The following TNS3 variants were observed in gnomAD, a reference collection of about 807,000 sequenced individuals.
TNS3 encodes tensin 3, also known as tensin-3.
In TNS3, 45 loss-of-function variants were observed where a neutral mutation model predicts 140.9. The ratio of observed to expected loss-of-function variants is 0.32; its 90% CI spans 0.25 to 0.41. The LOEUF is 0.41. Ranked by LOEUF, TNS3 falls within the 10% of genes least tolerant of loss-of-function variation. TNS3 has a pLI of 1.00. For synonymous variants in TNS3, 815 were observed against 788.4 expected (o/e 1.03, Z -0.56); for missense variants, 1,716 against 1,906.7 (o/e 0.90, Z 1.86).
chr7:47,330,068 A>G (rs1028783541), intron 20 of TNS3, among the ~76,000 whole-genome samples: 4 of 152,212 alleles, frequency 2.6e-5, no homozygotes, highest in South Asian at 2.1e-4. Context: ...TCCAGGTGGC[A>G]GCAAGTCCAC....
chr7:47,369,463 G>A lies in TNS3; in HGVS notation c.1183C>T (p.His395Tyr). ...TCCGTCCTGGCAGAGGCTGTAGAGT[G>A]GCCGGAGTCACTGCTGACAGACAAG... The part of the protein sequence containing the change: ...HTLSVSSDSG[H>Y]STASARTDKT... Residue 395 changes from histidine (H) to tyrosine (Y), a missense_variant, in exon 17 of 31, where the codon CAC becomes TAC. His to Tyr is a moderately conservative substitution (Grantham distance 83). This residue lies in a region of TNS3 where 1,163 missense variants were observed against 1,182.1 expected (regional missense o/e 0.98). Coordinates refer to ENST00000311160, the MANE Select transcript of TNS3 (RefSeq NM_022748.12). The A allele has an allele frequency of 6.2e-7, 1 of 1,614,180 alleles. No homozygotes were observed. The highest frequency in any genetic ancestry group is 8.5e-7 in the Non-Finnish European group (1 of 1,180,034).
At chr7:47,556,739 G>C (rs2151991710) in intron 1 of TNS3, among the ~76,000 whole-genome samples, 1 of 152,318 alleles carries the variant, frequency 6.6e-6, no homozygotes, top group South Asian at 2.1e-4. Context: ...GATCTTCAGG[G>C]GCTGCAAAGT....
intron 17 of TNS3, among the ~76,000 whole-genome samples, chr7:47,362,898 CACCACCATCAACATCACCATT>C (rs1460152695): frequency 6.8e-6 from 1 of 147,462 alleles, no homozygotes; most frequent in East Asian, 2.0e-4. Flanking sequence ...CCATCACCAT[CACCACCATCAACATCACCATT>C]ACCACCATTA....
At position 47,508,701 on chromosome 7, in the gene TNS3, T is replaced by C. The variant is rs543172066; in HGVS notation, c.-152-1757A>G. ...CCCTCCCACAGTGAATCAGCTGGGCTGTGTGACAGTGCAACCTGGCAGAGG... is the reference window on the plus strand; with the variant it reads ...CCCTCCCACAGTGAATCAGCTGGGCCGTGTGACAGTGCAACCTGGCAGAGG... On this transcript the variant is annotated intron_variant, in intron 2 of 30. Coordinates refer to ENST00000311160, the MANE Select transcript of TNS3 (RefSeq NM_022748.12). 1.6e-3 allele frequency among the ~76,000 whole-genome samples: 244 copies of C among 152,336 alleles called. 1 individual carries two copies. The highest frequency in any genetic ancestry group is 3.7e-4 in the Non-Finnish European group (25 of 68,030).
chr7:47,369,642 G>C (rs1318706673), intron 16 of TNS3, 21 bp from the exon 17 acceptor site: 36 of 1,532,260 alleles, frequency 2.3e-5, no homozygotes, highest in Non-Finnish European at 2.9e-5. Context: ...GAAAACCGGA[G>C]AGAGGCTTTC....
At chr7:47,373,337 A>T (rs1346278140) in intron 16 of TNS3, among the ~76,000 whole-genome samples, 1 of 152,238 alleles carries the variant, frequency 6.6e-6, no homozygotes, top group Middle Eastern at 3.2e-3. Flanking sequence ...GAAAGATACA[A>T]AGATGCCATC....
chr7:47,325,988 C>A (rs1052780080), intron 20 of TNS3, among the ~76,000 whole-genome samples: 6 of 152,182 alleles, frequency 3.9e-5, no homozygotes, highest in African/African-American at 1.4e-4. Context: ...TATCAGATCC[C>A]AGCTCCAACC....
At chr7:47,326,948 T>C (rs533452913) in intron 20 of TNS3, among the ~76,000 whole-genome samples, 1 of 152,124 alleles carries the variant, frequency 6.6e-6, no homozygotes, top group Non-Finnish European at 1.5e-5. Flanking sequence ...AGCTCTGGGT[T>C]TTCCCCTCGC....
intron 17 of TNS3, among the ~76,000 whole-genome samples, chr7:47,362,988 C>T (rs369214655): frequency 0.099 from 29 of 292 alleles, no homozygotes; most frequent in Middle Eastern, 0.25. Flanking sequence ...ATCACCATCA[C>T]CAACATCATC....
At chr7:47,454,544 T>C (rs928120253) in intron 4 of TNS3, among the ~76,000 whole-genome samples, 1 of 151,994 alleles carries the variant, frequency 6.6e-6, no homozygotes. Flanking sequence ...GAGGGTTGCA[T>C]GTGTTGTTTC....
intron 1 of TNS3, among the ~76,000 whole-genome samples, chr7:47,571,391 G>T (rs930537814): frequency 6.6e-6 from 1 of 152,202 alleles, no homozygotes; most frequent in Non-Finnish European, 1.5e-5. Flanking sequence ...CTCCCTTTCC[G>T]CTTCACCCCC....
At chr7:47,398,720 T>C (rs1792977314) in intron 15 of TNS3, among the ~76,000 whole-genome samples, 1 of 152,200 alleles carries the variant, frequency 6.6e-6, no homozygotes, top group Admixed American at 6.5e-5. Flanking sequence ...AATGTCATAC[T>C]GAATGGGGAA....
At chr7:47,285,906 G>A (rs1225176254) in intron 27 of TNS3, among the ~76,000 whole-genome samples, 1 of 152,164 alleles carries the variant, frequency 6.6e-6, no homozygotes, top group Non-Finnish European at 1.5e-5. Flanking sequence ...TGGCAGCATG[G>A]AAAGACGTCA....
At chr7:47,521,728 G>A (rs1336758188) in intron 2 of TNS3, among the ~76,000 whole-genome samples, 1 of 152,150 alleles carries the variant, frequency 6.6e-6, no homozygotes, top group Non-Finnish European at 1.5e-5. Flanking sequence ...TGAGCCCTGT[G>A]CAGCCGGCCT....
Position 47,279,751 on chromosome 7 carries a change from C to T in TNS3, c.4193+413G>A, listed in dbSNP as rs563822078. 4.1e-5 allele frequency: 8 copies of T among 196,524 alleles called. No homozygotes were observed. In the East Asian group the frequency reaches 4.3e-4, roughly 11 times the overall value. The allele number at this position is 196,524 out of a possible 1,614,324, so 12.2% of individuals were successfully genotyped here. The stretch of plus-strand genomic sequence containing the variant: ...GCTGCCTGGACTGGCTGTGGAGCAA[C>T]GGTGTGATGAAGGCCCTCCTCCGTT... On this transcript the variant is annotated intron_variant, in intron 30 of 30. Coordinates refer to ENST00000311160, the MANE Select transcript of TNS3 (RefSeq NM_022748.12).
chr7:47,367,430 G>C (rs112922587), intron 17 of TNS3, among the ~76,000 whole-genome samples: 56 of 152,246 alleles, frequency 3.7e-4, no homozygotes, highest in African/African-American at 1.2e-3. Context: ...CCATTACATC[G>C]ATGCAGCTTG....
intron 21 of TNS3, 85 bp downstream of exon 21, chr7:47,304,747 C>T: frequency 7.9e-7 from 1 of 1,260,430 alleles, no homozygotes; most frequent in Non-Finnish European, 1.0e-6. Flanking sequence ...CTCTGAAGAG[C>T]AAGCCCCCGC....
intron 9 of TNS3, among the ~76,000 whole-genome samples, chr7:47,427,123 C>CAAAAAA (rs61383259): frequency 9.4e-6 from 1 of 106,812 alleles, no homozygotes. Context: ...AAGACTCTGT[C>CAAAAAA]AAAAAAAAAA....
chr7:47,332,552 A>G (rs1331398786), intron 20 of TNS3, among the ~76,000 whole-genome samples: 2 of 152,198 alleles, frequency 1.3e-5, no homozygotes, highest in African/African-American at 2.4e-5. Context: ...CAGGGCCAGG[A>G]CCGCCTCCCT....
Sources: gnomAD v4.1 joint callset for allele counts (sites outside exome capture counted in the v4.1 genomes callset) on GRCh38, gnomAD v4.1.1 for gene constraint, gnomAD v4.1.1 regional missense constraint, MANE v1.5 for transcripts, NCBI Gene and HGNC (gene_info 2026-07-23, HGNC 2026-07-21) for gene names.